Variants in CLTC observed in about 807,000 individuals in gnomAD.
The protein encoded by CLTC is clathrin heavy chain 1.
In CLTC, 16 loss-of-function variants were observed where a neutral mutation model predicts 195.8. That is an observed-to-expected ratio of 0.08 (90% CI 0.06 to 0.12). CLTC has a LOEUF of 0.12. Among genes scored for constraint, CLTC ranks in the 10% least tolerant of loss-of-function variants. The pLI is 1.00. For synonymous variants in CLTC, 667 were observed against 689.4 expected (o/e 0.97, Z 0.51); for missense variants, 796 against 2,027.0 (o/e 0.39, Z 11.66).
rs1404331303 is a variant in CLTC at position 59,682,278 on chromosome 17, G to C, written c.3450G>C (p.Trp1150Cys). The C allele has an allele frequency of 6.2e-7, 1 of 1,613,308 alleles. No individual in the cohort carries two copies. The highest frequency in any genetic ancestry group is 1.7e-5 in the Admixed American group (1 of 59,808). Reference sequence around the variant, plus strand: ...TTCTTTTTCTATACTTAGGAAACTGGGAAGAACTGGTGAAGTACTTGCAGA... The same window carrying C: ...TTCTTTTTCTATACTTAGGAAACTGCGAAGAACTGGTGAAGTACTTGCAGA... ...VVQAANTSGN[W>C]EELVKYLQMA... Residue 1150 changes from tryptophan to cysteine, a missense_variant, in exon 22 of 32, where the codon TGG becomes TGC. Coordinates refer to ENST00000269122, the MANE Select transcript of CLTC (RefSeq NM_004859.4). The surrounding 1 kb of genome is among the most constrained non-coding windows in gnomAD (Gnocchi z 6.8).
chr17:59,661,344 C>A, intron 7 of CLTC, 99 bp from the exon 8 acceptor site: 1 of 874,882 alleles, frequency 1.1e-6, no homozygotes, highest in Non-Finnish European at 1.9e-6. Flanking sequence ...TTGATCTCTA[C>A]AGGGTGTTTA....
At position 59,667,005 on chromosome 17, in the gene CLTC, A is replaced by C. The variant is rs1598228172; in HGVS notation, c.2128+28A>C. 5 of 1,573,706 alleles carry C rather than the reference A, an allele frequency of 3.2e-6. No individual in the cohort carries two copies. In the East Asian group the frequency reaches 9.0e-5, roughly 28 times the overall value. On this transcript the variant is annotated intron_variant, in intron 13 of 31. Transcript: ENST00000269122. ...AATTAGGAGTTTTTGAGTTTTTAAA[A>C]AAAGTACTTAAGGTAGCCAAGAAGA... is the stretch of plus-strand genomic sequence containing the variant.
At chr17:59,633,918 A>G (rs951588123) in intron 1 of CLTC, among the ~76,000 whole-genome samples, 2 of 152,072 alleles carry the variant, frequency 1.3e-5, no homozygotes, top group African/African-American at 4.8e-5. Flanking sequence ...AGTATTATAT[A>G]TATTTTTTGA....
rs776893175 is a variant in CLTC, at chr17:59,685,484, T to C, written c.4606-103T>C. On this transcript the variant is annotated intron_variant, in intron 29 of 31. Transcript: ENST00000269122. This position sits in a 1 kb window ranked among gnomAD's most constrained non-coding sequence, Gnocchi z 5.0. Reference sequence around the variant, plus strand: ...TACAACTAGGAGGCTTTTTTCCCCTTGCAAAACCAGATTTATATTGGAAAG... The same window carrying C: ...TACAACTAGGAGGCTTTTTTCCCCTCGCAAAACCAGATTTATATTGGAAAG... 10 of 1,121,516 alleles carry C rather than the reference T, an allele frequency of 8.9e-6. No homozygotes were observed. Among genetic ancestry groups the C allele is most frequent in the Non-Finnish European group, 1.0e-5 (8 of 791,416 alleles). The allele number at this position is 1,121,516 out of a possible 1,614,324, so 69.5% of individuals were successfully genotyped here.
At chr17:59,669,045 T>C in intron 14 of CLTC, 105 bp downstream of exon 14, 1 of 990,692 alleles carries the variant, frequency 1.0e-6, no homozygotes, top group Non-Finnish European at 1.4e-6. Context: ...TGTGAAGTTG[T>C]TAGCATTCTT....
In CLTC at chr17:59,648,199, T is replaced by C; in HGVS notation, c.520-41T>C. ...ACTTGATGAATCTGAGAGTTTTTGA[T>C]TTATGGGTCTTCAAACGTTATTCTC... On this transcript the variant is annotated intron_variant, in intron 3 of 31. Transcript: ENST00000269122. The surrounding 1 kb of genome is among the most constrained non-coding windows in gnomAD (Gnocchi z 4.5). The C allele has an allele frequency of 6.4e-7, 1 of 1,555,772 alleles. No individual in the cohort carries two copies.
intron 30 of CLTC, 188 bp from the exon 31 acceptor site, chr17:59,690,448 A>G: frequency 2.1e-6 from 1 of 486,448 alleles, no homozygotes; most frequent in Non-Finnish European, 3.6e-6. Flanking sequence ...GTTTATAATG[A>G]CAGTGCTGAA....
Position 59,648,146 on chromosome 17 carries a change from GA to G in CLTC, c.520-93del. On this transcript the variant is annotated intron_variant, in intron 3 of 31. Coordinates refer to ENST00000269122, the MANE Select transcript of CLTC (RefSeq NM_004859.4). The surrounding 1 kb of genome is among the most constrained non-coding windows in gnomAD (Gnocchi z 4.5). ...ACAAATAATTATAAATCCTGCTAAA[GA>G]TGACAAAGCATTCTAATTATTTCAT... is the stretch of plus-strand genomic sequence containing the variant. 8.6e-7 allele frequency: 1 copy of G among 1,160,084 alleles called. No individual in the cohort carries two copies. Among genetic ancestry groups the G allele is most frequent in the South Asian group, 1.7e-5 (1 of 58,138 alleles). The allele number at this position is 1,160,084 out of a possible 1,614,324, so 71.9% of individuals were successfully genotyped here.
At chr17:59,637,732 G>A (rs1056524166) in intron 1 of CLTC, among the ~76,000 whole-genome samples, 6 of 150,866 alleles carry the variant, frequency 4.0e-5, no homozygotes, top group Non-Finnish European at 8.9e-5. Flanking sequence ...TGGGCATGGT[G>A]GCGTATGGGT....
rs568767487 is a variant in CLTC, at chr17:59,653,628, T to A, written c.796-2226T>A. On this transcript the variant is annotated intron_variant, in intron 5 of 31. Coordinates refer to ENST00000269122, the MANE Select transcript of CLTC (RefSeq NM_004859.4). ...AGGCAGTGCTGTGATCATAGCTCACTGCAGCCTTGGAACTCCTGGGCTCAA... is the reference window on the plus strand; with the variant it reads ...AGGCAGTGCTGTGATCATAGCTCACAGCAGCCTTGGAACTCCTGGGCTCAA... Among the ~76,000 whole-genome samples, 11 of 152,128 alleles carry A rather than the reference T, an allele frequency of 7.2e-5. No homozygotes were observed. In the South Asian group the frequency reaches 2.1e-3, roughly 29 times the overall value.
chr17:59,649,956 C>T (rs1328895121), intron 4 of CLTC, among the ~76,000 whole-genome samples: 1 of 152,116 alleles, frequency 6.6e-6, no homozygotes. Context: ...ATCTGGAAAC[C>T]TGTTTATAGG....
intron 10 of CLTC, among the ~76,000 whole-genome samples, chr17:59,665,226 GAA>G (rs58116801): frequency 1.5e-4 from 22 of 145,204 alleles, no homozygotes; most frequent in East Asian, 8.0e-4. Flanking sequence ...CTCTCAAAAA[GAA>G]AAAAAAAAAA....
Position 59,681,157 on chromosome 17 carries a change from C to T in CLTC, c.3065+100C>T. ...GAACAAAAAGATCAGAGAAAGTTGC[C>T]TGAATTCTCACTCTTCTAATATCCT... is the stretch of plus-strand genomic sequence containing the variant. On this transcript the variant is annotated intron_variant, in intron 19 of 31. Transcript: ENST00000269122. This position sits in a 1 kb window ranked among gnomAD's most constrained non-coding sequence, Gnocchi z 5.0. 1 of 1,486,436 alleles carries T rather than the reference C, an allele frequency of 6.7e-7. No individual in the cohort carries two copies. The highest frequency in any genetic ancestry group is 9.1e-7 in the Non-Finnish European group (1 of 1,095,764). 92.1% of individuals were successfully genotyped at this position (1,486,436 alleles called of 1,614,324 possible). A position where few individuals can be genotyped will look rare whatever the true frequency, so the allele number is the denominator to read the frequency against.
chr17:59,649,743 C>T (rs190191524), intron 4 of CLTC, among the ~76,000 whole-genome samples: 9 of 152,246 alleles, frequency 5.9e-5, no homozygotes, highest in South Asian at 4.1e-4. Flanking sequence ...TAAAATTTCA[C>T]GATAGCCCCT....
intron 31 of CLTC, among the ~76,000 whole-genome samples, chr17:59,693,527 T>C (rs1043530971): frequency 6.6e-6 from 1 of 152,150 alleles, no homozygotes; most frequent in Non-Finnish European, 1.5e-5. Context: ...CTGCACTGTT[T>C]GTTGGCTTTT....
intron 31 of CLTC, among the ~76,000 whole-genome samples, chr17:59,691,968 T>C (rs2033311326): frequency 6.6e-6 from 1 of 151,984 alleles, no homozygotes; most frequent in Admixed American, 6.6e-5. Context: ...TAGTTGAAAA[T>C]TGGGTTGGAA....
Position 59,694,019 on chromosome 17 carries a change from C to T in CLTC, c.*167C>T. ...AAACTTGGATCACCTATGTTAAAAC[C>T]TTATTTCACATTCCACATCATTTTA... is the stretch of plus-strand genomic sequence containing the variant. On this transcript the variant is annotated 3_prime_UTR_variant, in exon 32 of 32. Transcript: ENST00000269122. 1.7e-6 allele frequency: 1 copy of T among 586,440 alleles called. No homozygotes were observed. The highest frequency in any genetic ancestry group is 2.6e-6 in the Non-Finnish European group (1 of 378,546). The allele number at this position is 586,440 out of a possible 1,614,324, so 36.3% of individuals were successfully genotyped here.
At position 59,681,213 on chromosome 17, in the gene CLTC, C is replaced by A; in HGVS notation, c.3066-82C>A. On this transcript the variant is annotated intron_variant, in intron 19 of 31. Coordinates refer to ENST00000269122, the MANE Select transcript of CLTC (RefSeq NM_004859.4). This position sits in a 1 kb window ranked among gnomAD's most constrained non-coding sequence, Gnocchi z 5.0. ...CTACCCTACCTCTTGAGACAAAAAC[C>A]TCTCCGTTAGTCACAGTGGTTATTT... The A allele has an allele frequency of 6.7e-7, 1 of 1,482,782 alleles. No individual in the cohort carries two copies. Among genetic ancestry groups the A allele is most frequent in the Non-Finnish European group, 9.1e-7 (1 of 1,093,618 alleles). The allele number at this position is 1,482,782 out of a possible 1,614,324, so 91.9% of individuals were successfully genotyped here. A position where few individuals can be genotyped will look rare whatever the true frequency, so the allele number is the denominator to read the frequency against.
chr17:59,685,862 A>T lies in CLTC; in HGVS notation c.4827+54A>T. ...CTAGTTTCCTTGCATGTAAAATTCT[A>T]CATGCACATTAATTTTTTTAAATGC... On this transcript the variant is annotated intron_variant, in intron 30 of 31. Coordinates refer to ENST00000269122, the MANE Select transcript of CLTC (RefSeq NM_004859.4). This position sits in a 1 kb window ranked among gnomAD's most constrained non-coding sequence, Gnocchi z 5.0. 1.5e-6 allele frequency: 2 copies of T among 1,290,756 alleles called. No homozygotes were observed. The highest frequency in any genetic ancestry group is 2.8e-5 in the South Asian group (2 of 70,396). The allele number at this position is 1,290,756 out of a possible 1,614,324, so 80.0% of individuals were successfully genotyped here.
Sources: gnomAD v4.1 joint callset for allele counts (sites outside exome capture counted in the v4.1 genomes callset) on GRCh38, gnomAD v4.1.1 for gene constraint, Gnocchi (gnomAD v3.1) non-coding constraint, MANE v1.5 for transcripts, NCBI Gene and HGNC (gene_info 2026-07-23, HGNC 2026-07-21) for gene names.